Variants in TTLL4 observed in about 807,000 individuals in gnomAD.
TTLL4 encodes the protein tubulin monoglutamylase TTLL4.
In TTLL4, 85 loss-of-function variants were observed where a neutral mutation model predicts 122.7. The observed-to-expected ratio is 0.69, with a 90% CI of 0.58 to 0.83. The LOEUF is 0.83. TTLL4 is among the 40% of genes least tolerant of loss of function. The pLI is 0.00. For missense variants in TTLL4, 1,363 were observed against 1,488.6 expected (o/e 0.92, Z 1.39); for synonymous variants, 553 against 563.0 (o/e 0.98, Z 0.25).
chr2:218,751,232 C>T (rs1375418455), intron 15 of TTLL4, among the ~76,000 whole-genome samples: 1 of 152,116 alleles, frequency 6.6e-6, no homozygotes, highest in Non-Finnish European at 1.5e-5. Context: ...GCTTTTTAGT[C>T]ATCTTTTTAA....
At chr2:218,745,908 C>T in intron 7 of TTLL4, 107 bp downstream of exon 7, 1 of 1,073,572 alleles carries the variant, frequency 9.3e-7, no homozygotes, top group Non-Finnish European at 1.4e-6. Flanking sequence ...GCAGCTGGGG[C>T]CCTCTCCTGA....
chr2:218,724,428 C>A (rs1007762457), intron 1 of TTLL4, among the ~76,000 whole-genome samples: 27 of 152,130 alleles, frequency 1.8e-4, no homozygotes, highest in Non-Finnish European at 7.4e-5. Flanking sequence ...GCCTACCCTT[C>A]CCCCTACTCT....
chr2:218,713,926 C>T (rs1575154388), intron 1 of TTLL4, among the ~76,000 whole-genome samples: 1 of 152,116 alleles, frequency 6.6e-6, no homozygotes, highest in East Asian at 1.9e-4. Flanking sequence ...AAGAATGGGA[C>T]AAGGAGCAGT....
At chr2:218,730,987 T>C (rs4674330) in intron 2 of TTLL4, among the ~76,000 whole-genome samples, 75,562 of 151,830 alleles carry the variant, frequency 0.5, 19,540 homozygotes, top group African/African-American at 0.61. Context: ...TGGTGTATAC[T>C]GGTAGTCCTA....
chr2:218,750,002 T>G lies in TTLL4; in HGVS notation c.2736-7T>G. 6.2e-7 allele frequency: 1 copy of G among 1,613,796 alleles called. No homozygotes were observed. The highest frequency in any genetic ancestry group is 8.5e-7 in the Non-Finnish European group (1 of 1,179,842). ...CTTTGACCACTCTTTTTATCCTTTT[T>G]CTGAAGCCTCCACTCCAGCTCTCCA... is the stretch of plus-strand genomic sequence containing the variant. On this transcript the variant is annotated splice_polypyrimidine_tract_variant and splice_region_variant and intron_variant, in intron 14 of 19. Transcript: ENST00000392102.
At position 218,754,269 on chromosome 2, in the gene TTLL4, A is replaced by G. The variant is rs1394733552; in HGVS notation, c.3480A>G (p.Lys1160=). 6.2e-7 allele frequency: 1 copy of G among 1,614,056 alleles called. No homozygotes were observed. The highest frequency in any genetic ancestry group is 8.5e-7 in the Non-Finnish European group (1 of 1,180,046). ...SSSKDSEDTS[K]EPSLSTQTLP... ...CAAAGGACAGTGAGGACACCAGCAA[A>G]GAGCCCAGCCTTTCTACCCAGACGT... is the stretch of plus-strand genomic sequence containing the variant. The change falls in exon 20 of 20, where the codon AAA becomes AAG. Residue 1160 remains lysine, a synonymous_variant. Transcript: ENST00000392102.
At chr2:218,750,740 T>C (rs1366994447) in intron 15 of TTLL4, among the ~76,000 whole-genome samples, 1 of 152,192 alleles carries the variant, frequency 6.6e-6, no homozygotes, top group East Asian at 1.9e-4. Context: ...CTGTTCCCCA[T>C]AGTGTTCTTT....
At chr2:218,713,467 T>TG (rs1008465892) in intron 1 of TTLL4, among the ~76,000 whole-genome samples, 36 of 152,208 alleles carry the variant, frequency 2.4e-4, no homozygotes, top group Admixed American at 3.3e-4. Flanking sequence ...TTAGTAGTGA[T>TG]GGGGGTCTCT....
intron 1 of TTLL4, among the ~76,000 whole-genome samples, chr2:218,720,618 G>A (rs1355758345): frequency 2.7e-5 from 4 of 150,266 alleles, no homozygotes; most frequent in South Asian, 2.1e-4. Flanking sequence ...AGGTTGCAGC[G>A]AGCCGAGATC....
rs564044928 is a variant in TTLL4, at chr2:218,745,754, A to T, written c.1850A>T (p.Asn617Ile). ...TGGAAGATGAGCACAGTGACCCCCA[A>T]CATTGTCAAGCAGACCATTGGACGG... ...LRWKMSTVTPNIVKQTIGRSH... is the reference protein window; with the variant it reads ...LRWKMSTVTPIIVKQTIGRSH... The change falls in exon 7 of 20, where the codon AAC becomes ATC. Residue 617 changes from asparagine (N) to isoleucine (I), a missense_variant. Coordinates refer to ENST00000392102, the MANE Select transcript of TTLL4 (RefSeq NM_014640.5). The T allele has an allele frequency of 6.8e-6, 11 of 1,613,528 alleles. No homozygotes were observed. The highest frequency in any genetic ancestry group is 2.7e-5 in the African/African-American group (2 of 74,848).
At position 218,752,915 on chromosome 2, in the gene TTLL4, A is replaced by G. The variant is rs756390194; in HGVS notation, c.3129A>G (p.Arg1043=). The G allele has an allele frequency of 3.7e-6, 6 of 1,614,018 alleles. No homozygotes were observed. The South Asian group carries it at 4.4e-5, about 12-fold the overall frequency. ...SRYLRFFEQP[R]YFNILTTQWE... ...ATCTCCGCTTTTTTGAGCAGCCACG[A>G]TATTTCAACATTCTCACCACCCAAT... The change falls in exon 17 of 20, where the codon CGA becomes CGG. Residue 1043 remains arginine (R), a synonymous_variant. Transcript: ENST00000392102.
In TTLL4 at chr2:218,746,729, T is replaced by C. The variant is rs566875465; in HGVS notation, c.1975-274T>C. ...GAAATGCTTTTCTGTCCTCATCCCATAGGGTTTCATGGATAAAGATGTAAT... is the reference window on the plus strand; with the variant it reads ...GAAATGCTTTTCTGTCCTCATCCCACAGGGTTTCATGGATAAAGATGTAAT... On this transcript the variant is annotated intron_variant, in intron 8 of 19. Transcript: ENST00000392102. 871 of 484,262 alleles carry C rather than the reference T, an allele frequency of 1.8e-3. 4 individuals are homozygous for C. Among genetic ancestry groups the C allele is most frequent in the Non-Finnish European group, 2.9e-3 (775 of 270,784 alleles). 30.0% of individuals were successfully genotyped at this position (484,262 alleles called of 1,614,324 possible).
rs530663784 is a variant in TTLL4 at position 218,749,286 on chromosome 2, G to T, written c.2634G>T (p.Met878Ile). Residue 878 changes from methionine (M) to isoleucine (I), a missense_variant, in exon 14 of 20, where the codon ATG (methionine) becomes ATT (isoleucine). This residue lies in a region of TTLL4 where 596 missense variants were observed against 655.8 expected (regional missense o/e 0.91). Transcript: ENST00000392102. ...CCTATGTGACCAGCCTGCTCAAGAT[G>T]TATGTGCGACGGCCCTATAGCTGCC... ...SEPYVTSLLKMYVRRPYSCHE... is the reference protein window; with the variant it reads ...SEPYVTSLLKIYVRRPYSCHE... The T allele has an allele frequency of 6.2e-7, 1 of 1,614,128 alleles. No homozygotes were observed. Among genetic ancestry groups the T allele is most frequent in the South Asian group, 1.1e-5 (1 of 91,080 alleles).
At chr2:218,740,931 G>A (rs1331796910) in intron 5 of TTLL4, among the ~76,000 whole-genome samples, 1 of 152,188 alleles carries the variant, frequency 6.6e-6, no homozygotes, top group Non-Finnish European at 1.5e-5. Context: ...AAATTAGCAA[G>A]GTATGGTGGT....
chr2:218,758,662 T>C (rs1404529086), downstream of TTLL4, among the ~76,000 whole-genome samples: 1 of 152,188 alleles, frequency 6.6e-6, no homozygotes, highest in Non-Finnish European at 1.5e-5. Flanking sequence ...CACTTAACAC[T>C]AAAGTGGCTC....
At chr2:218,750,186 A>C (rs376562348) in intron 15 of TTLL4, 40 bp downstream of exon 15, 3 of 1,604,054 alleles carry the variant, frequency 1.9e-6, no homozygotes. Context: ...TGGCAGCATG[A>C]GTAGCCCTGC....
chr2:218,725,354 G>A (rs1942158704), intron 1 of TTLL4, among the ~76,000 whole-genome samples: 1 of 151,546 alleles, frequency 6.6e-6, no homozygotes, highest in Admixed American at 6.6e-5. Context: ...CAAGTAGCTG[G>A]GATTACAGGC....
At chr2:218,745,513 C>A in intron 6 of TTLL4, 178 bp from the exon 7 acceptor site, 1 of 640,476 alleles carries the variant, frequency 1.6e-6, no homozygotes, top group South Asian at 1.9e-5. Context: ...GTTCCTCATT[C>A]CTGCACAGCC....
intron 3 of TTLL4, 61 bp downstream of exon 3, chr2:218,739,224 G>T (rs1470015624): frequency 1.3e-6 from 2 of 1,527,882 alleles, no homozygotes; most frequent in Non-Finnish European, 1.7e-6. Context: ...ATAATTTGGG[G>T]TGGCACCGAC....
Sources: gnomAD v4.1 joint callset for allele counts (sites outside exome capture counted in the v4.1 genomes callset) on GRCh38, gnomAD v4.1.1 for gene constraint, gnomAD v4.1.1 regional missense constraint, MANE v1.5 for transcripts, NCBI Gene and HGNC (gene_info 2026-07-23, HGNC 2026-07-21) for gene names.